The following ZNF143 variants were observed in gnomAD, a reference collection of about 807,000 sequenced individuals.
The protein encoded by ZNF143 is zinc finger protein 143, also known as SPH-binding factor.
A neutral mutation model predicts 74.1 loss-of-function variants in ZNF143; 49 were observed. The observed-to-expected ratio is 0.66, with a 90% confidence interval of 0.53 to 0.84. ZNF143 has a LOEUF of 0.84. ZNF143 is among the 40% of genes least tolerant of loss of function. The pLI is 0.00. For missense variants in ZNF143, 637 were observed against 793.4 expected (o/e 0.80, Z 2.37); for synonymous variants, 304 against 282.8 (o/e 1.07, Z -0.75).
chr11:9,479,409 C>G lies in ZNF143; in HGVS notation c.571-63C>G. 2.2e-6 allele frequency: 3 copies of G among 1,384,414 alleles called. No homozygotes were observed. The South Asian group carries it at 3.9e-5, about 18-fold the overall frequency. The allele number at this position is 1,384,414 out of a possible 1,614,324, so 85.8% of individuals were successfully genotyped here. On this transcript the variant is annotated intron_variant, in intron 6 of 15. Coordinates refer to ENST00000396602, the MANE Select transcript of ZNF143 (RefSeq NM_003442.6). ...TGCAAGCTTCTCCCTGAACCATGTACTTAACCAGCCTAAACCATTATCAAA... is the reference window on the plus strand; with the variant it reads ...TGCAAGCTTCTCCCTGAACCATGTAGTTAACCAGCCTAAACCATTATCAAA...
At chr11:9,471,545 G>A in intron 2 of ZNF143, 125 bp downstream of exon 2, 1 of 562,074 alleles carries the variant, frequency 1.8e-6, no homozygotes, top group Non-Finnish European at 2.8e-6. Flanking sequence ...TTTATGAGGT[G>A]TTTTGGTGTT....
At chr11:9,481,197 G>A (rs183194790) in intron 7 of ZNF143, among the ~76,000 whole-genome samples, 7 of 152,198 alleles carry the variant, frequency 4.6e-5, no homozygotes, top group East Asian at 1.9e-4. Flanking sequence ...AGACCAGCCC[G>A]GGCAACAAAG....
At chr11:9,502,159 C>T (rs1848186555) in intron 11 of ZNF143, among the ~76,000 whole-genome samples, 1 of 148,442 alleles carries the variant, frequency 6.7e-6, no homozygotes, top group Admixed American at 6.7e-5. Flanking sequence ...TAGTCTGAAA[C>T]TCCCAACCTC....
At chr11:9,525,805 G>A (rs148454308) in intron 15 of ZNF143, among the ~76,000 whole-genome samples, 1 of 152,276 alleles carries the variant, frequency 6.6e-6, no homozygotes, top group East Asian at 1.9e-4. Context: ...GGGAATGTCA[G>A]AAGACTTAGA....
Position 9,479,543 on chromosome 11 carries a change from G to C in ZNF143, c.642G>C (p.Met214Ile). Reference sequence around the variant, plus strand: ...GAGAAAATGAGCAAGAGAAAAAAATGCAGGTATGTAAAGCTACTTTTTAAT... The same window carrying C: ...GAGAAAATGAGCAAGAGAAAAAAATCCAGGTATGTAAAGCTACTTTTTAAT... The part of the protein sequence containing the change: ...MIGENEQEKK[M>I]QIVLQGHATR... Residue 214 changes from methionine (M) to isoleucine (I), a missense_variant, in exon 7 of 16, where the codon ATG (methionine) becomes ATC (isoleucine). By Grantham distance (10) the Met-to-Ile change is conservative. This residue lies in a region of ZNF143 where 293 missense variants were observed against 307.8 expected (regional missense o/e 0.95). Transcript: ENST00000396602. The C allele has an allele frequency of 6.2e-7, 1 of 1,612,008 alleles. No individual in the cohort carries two copies. The highest frequency in any genetic ancestry group is 8.5e-7 in the Non-Finnish European group (1 of 1,179,234).
At chr11:9,478,837 A>C (rs768058988) in intron 6 of ZNF143, among the ~76,000 whole-genome samples, 5 of 152,126 alleles carry the variant, frequency 3.3e-5, no homozygotes, top group Non-Finnish European at 2.9e-5. Context: ...AGTCAAAATC[A>C]GTTAGTATCA....
chr11:9,497,179 T>G (rs1483277613), intron 9 of ZNF143, among the ~76,000 whole-genome samples: 1 of 152,194 alleles, frequency 6.6e-6, no homozygotes, highest in Admixed American at 6.5e-5. Context: ...TAGACAGAAA[T>G]GAAACTATTG....
intron 7 of ZNF143, among the ~76,000 whole-genome samples, chr11:9,491,201 A>G (rs928901511): frequency 4.6e-5 from 7 of 152,202 alleles, no homozygotes; most frequent in African/African-American, 1.7e-4. Flanking sequence ...TGTGGACAAC[A>G]TAGCAAGACT....
intron 14 of ZNF143, among the ~76,000 whole-genome samples, chr11:9,516,747 A>C (rs1439831005): frequency 2.6e-5 from 4 of 152,240 alleles, no homozygotes; most frequent in Non-Finnish European, 5.9e-5. Flanking sequence ...AAAAATATAT[A>C]CAGGTATGTA....
chr11:9,475,319 G>C (rs1164091928), intron 5 of ZNF143, among the ~76,000 whole-genome samples: 1 of 152,140 alleles, frequency 6.6e-6, no homozygotes, highest in Non-Finnish European at 1.5e-5. Context: ...GAGTGCAGTG[G>C]TACAATCATA....
At position 9,512,129 on chromosome 11, in the gene ZNF143, A is replaced by C. The variant is rs188104165; in HGVS notation, c.1376-319A>C. Among the ~76,000 whole-genome samples, 285 of 152,270 alleles carry C rather than the reference A, an allele frequency of 1.9e-3. 1 individual carries two copies. The highest frequency in any genetic ancestry group is 6.7e-3 in the African/African-American group (279 of 41,546). Reference sequence around the variant, plus strand: ...GGGTTATTTGCTAGTTTTCCTGTACAGTTCCTCCCCTCTCCGCCCCTAATA... The same window carrying C: ...GGGTTATTTGCTAGTTTTCCTGTACCGTTCCTCCCCTCTCCGCCCCTAATA... On this transcript the variant is annotated intron_variant, in intron 12 of 15. Coordinates refer to ENST00000396602, the MANE Select transcript of ZNF143 (RefSeq NM_003442.6).
intron 5 of ZNF143, among the ~76,000 whole-genome samples, chr11:9,475,962 T>A (rs1341904758): frequency 1.4e-5 from 2 of 140,958 alleles, no homozygotes; most frequent in African/African-American, 2.7e-5. Context: ...GTGTATAAAA[T>A]TTTTAAAGCA....
chr11:9,477,175 TC>T (rs1856971882), intron 5 of ZNF143, among the ~76,000 whole-genome samples: 1 of 92,184 alleles, frequency 1.1e-5, no homozygotes, highest in African/African-American at 4.6e-5. Flanking sequence ...TCCTTCCTCC[TC>T]TCCCTTCCCT....
intron 5 of ZNF143, among the ~76,000 whole-genome samples, chr11:9,475,777 A>G (rs1405815420): frequency 6.6e-6 from 1 of 152,122 alleles, no homozygotes; most frequent in Non-Finnish European, 1.5e-5. Context: ...CATGCCTTCA[A>G]TCCTGGCTAC....
intron 1 of ZNF143, among the ~76,000 whole-genome samples, chr11:9,463,182 G>A (rs1288364507): frequency 6.6e-6 from 1 of 152,196 alleles, no homozygotes; most frequent in East Asian, 1.9e-4. Flanking sequence ...CCATTCATCT[G>A]TTGATGGACA....
intron 15 of ZNF143, among the ~76,000 whole-genome samples, chr11:9,526,116 G>A (rs1233321856): frequency 6.6e-6 from 1 of 152,008 alleles, no homozygotes; most frequent in Non-Finnish European, 1.5e-5. Context: ...CTGCACTCCC[G>A]CCTGGGTAAC....
At chr11:9,511,702 T>C (rs1848553736) in intron 12 of ZNF143, among the ~76,000 whole-genome samples, 1 of 151,320 alleles carries the variant, frequency 6.6e-6, no homozygotes, top group Non-Finnish European at 1.5e-5. Context: ...CTTCCCAAAG[T>C]ACTGACTGGG....
chr11:9,491,675 G>A (rs955784435), intron 7 of ZNF143, among the ~76,000 whole-genome samples: 6 of 152,076 alleles, frequency 3.9e-5, no homozygotes, highest in African/African-American at 1.4e-4. Context: ...CTGTCACCCA[G>A]GATGCGTTGC....
intron 12 of ZNF143, among the ~76,000 whole-genome samples, chr11:9,511,581 T>C (rs1261135979): frequency 3.4e-5 from 5 of 148,560 alleles, no homozygotes; most frequent in African/African-American, 5.0e-5. Context: ...GGATTACAGG[T>C]GTGAGCCACC....
Sources: gnomAD v4.1 joint callset for allele counts (sites outside exome capture counted in the v4.1 genomes callset) on GRCh38, gnomAD v4.1.1 for gene constraint, gnomAD v4.1.1 regional missense constraint, MANE v1.5 for transcripts, NCBI Gene and HGNC (gene_info 2026-07-23, HGNC 2026-07-21) for gene names.